The following LMO7 variants were observed in gnomAD, a reference collection of about 807,000 sequenced individuals.
LMO7 encodes the protein LIM domain only protein 7.
Under a neutral mutation model 206.5 loss-of-function variants are expected in LMO7, and 120 were observed. The observed-to-expected ratio is 0.58, with a 90% CI of 0.50 to 0.68. The LOEUF is 0.68. Ranked by LOEUF, LMO7 falls within the 30% of genes least tolerant of loss-of-function variation. LMO7 has a pLI of 0.00. For synonymous variants in LMO7, 706 were observed against 681.5 expected, an observed-to-expected ratio of 1.04 and a Z score of -0.56; for missense variants, 1,959 against 1,957.9, an observed-to-expected ratio of 1.00 and a Z score of -0.01.
intron 3 of LMO7, among the ~76,000 whole-genome samples, chr13:75,727,777 C>G (rs2044627829): frequency 7.2e-6 from 1 of 137,972 alleles, no homozygotes; most frequent in Admixed American, 7.3e-5. Context: ...CCTCCCCCCT[C>G]CCCCAACCCC....
chr13:75,636,117 C>T (rs931904926), upstream of LMO7: 1 of 189,162 alleles, frequency 5.3e-6, no homozygotes, highest in African/African-American at 2.4e-5. Context: ...TGTGCGGGAA[C>T]CCCAGCGGGG....
intron 4 of LMO7, among the ~76,000 whole-genome samples, chr13:75,767,299 C>T (rs572399293): frequency 1.3e-5 from 2 of 151,940 alleles, no homozygotes; most frequent in Non-Finnish European, 2.9e-5. Context: ...TCTTGTGAAA[C>T]AAATCTAAAG....
intron 4 of LMO7, among the ~76,000 whole-genome samples, chr13:75,791,614 C>T (rs2053293158): frequency 6.6e-6 from 1 of 152,080 alleles, no homozygotes; most frequent in Non-Finnish European, 1.5e-5. Flanking sequence ...TGAACAAAAT[C>T]ACAAAAGTCC....
intron 1 of LMO7, among the ~76,000 whole-genome samples, chr13:75,649,637 T>C (rs1031616706): frequency 3.3e-5 from 5 of 151,832 alleles, no homozygotes; most frequent in African/African-American, 1.2e-4. Flanking sequence ...AAGGAAGAGG[T>C]CAGAAGAGCT....
chr13:75,661,358 C>T (rs1186596971), intron 1 of LMO7, among the ~76,000 whole-genome samples: 2 of 152,210 alleles, frequency 1.3e-5, no homozygotes, highest in African/African-American at 4.8e-5. Context: ...ATAAAATTCA[C>T]ATCTATGAAA....
At chr13:75,797,274 A>C (rs1476321656) in intron 6 of LMO7, among the ~76,000 whole-genome samples, 1 of 152,168 alleles carries the variant, frequency 6.6e-6, no homozygotes, top group East Asian at 1.9e-4. Context: ...ACTTGATGTA[A>C]GGTTTTTAAT....
intron 3 of LMO7, among the ~76,000 whole-genome samples, chr13:75,728,028 T>A (rs1399517501): frequency 6.6e-6 from 1 of 152,088 alleles, no homozygotes; most frequent in Non-Finnish European, 1.5e-5. Flanking sequence ...TCTATCATTG[T>A]TGGACATTTG....
At chr13:75,715,146 G>A (rs942572137) in intron 2 of LMO7, among the ~76,000 whole-genome samples, 3 of 152,140 alleles carry the variant, frequency 2.0e-5, no homozygotes, top group African/African-American at 7.2e-5. Context: ...ACATGTTTGA[G>A]AATGACTACC....
chr13:75,792,863 G>A (rs2053494923), intron 4 of LMO7, among the ~76,000 whole-genome samples: 1 of 152,212 alleles, frequency 6.6e-6, no homozygotes, highest in African/African-American at 2.4e-5. Flanking sequence ...TGTAAAGTGA[G>A]TAAAAGGTAA....
At chr13:75,675,139 T>C (rs9530458) in intron 1 of LMO7, among the ~76,000 whole-genome samples, 87,328 of 151,042 alleles carry the variant, frequency 0.58, 26,326 homozygotes, top group East Asian at 0.97. Flanking sequence ...TGCAGTGGCA[T>C]GATCTTCACT....
Position 75,808,082 on chromosome 13 carries a change from C to T in LMO7, c.1799C>T (p.Thr600Ile). The change falls in exon 10 of 31, where the codon ACT becomes ATT. Residue 600 changes from threonine (T) to isoleucine (I), a missense_variant. Thr to Ile is a moderately conservative substitution (Grantham distance 89). Coordinates refer to ENST00000377534, the MANE Select transcript of LMO7 (RefSeq NM_001306080.2). ...TRKIQSWKLG[T>I]TVPPISFTPG... Reference sequence around the variant, plus strand: ...AAGATTCAGTCCTGGAAACTGGGAACTACCGTGCCTCCCATCAGTTTCACC... The same window carrying T: ...AAGATTCAGTCCTGGAAACTGGGAATTACCGTGCCTCCCATCAGTTTCACC... The T allele has an allele frequency of 6.2e-7, 1 of 1,613,934 alleles. No individual in the cohort carries two copies. Among genetic ancestry groups the T allele is most frequent in the Non-Finnish European group, 8.5e-7 (1 of 1,179,874 alleles).
upstream of LMO7, among the ~76,000 whole-genome samples, chr13:75,635,002 T>C (rs2035572448): frequency 7.3e-6 from 1 of 136,520 alleles, no homozygotes; most frequent in Non-Finnish European, 1.6e-5. Flanking sequence ...AGACTCCATC[T>C]CAAAACAAAA....
intron 1 of LMO7, among the ~76,000 whole-genome samples, chr13:75,695,938 C>T (rs541573478): frequency 6.7e-4 from 101 of 151,462 alleles, no homozygotes; most frequent in Non-Finnish European, 1.3e-3. Context: ...TAGATCTAGC[C>T]ATTAAAAATA....
intron 4 of LMO7, among the ~76,000 whole-genome samples, chr13:75,792,922 C>T (rs2053504681): frequency 1.3e-5 from 2 of 152,138 alleles, no homozygotes; most frequent in Non-Finnish European, 2.9e-5. Flanking sequence ...TAGGACATCC[C>T]TTGTATTTCC....
chr13:75,640,471 C>T (rs1002086874), intron 1 of LMO7, among the ~76,000 whole-genome samples: 4 of 152,194 alleles, frequency 2.6e-5, no homozygotes, highest in Admixed American at 6.5e-5. Flanking sequence ...AACACCTCTT[C>T]ATTCTTCCAT....
intron 1 of LMO7, among the ~76,000 whole-genome samples, chr13:75,693,469 G>T (rs759463482): frequency 6.6e-5 from 10 of 152,152 alleles, no homozygotes; most frequent in Admixed American, 2.0e-4. Flanking sequence ...TTCAGGCTGG[G>T]GTGATAATTA....
chr13:75,664,911 A>G (rs1026531905), intron 1 of LMO7, among the ~76,000 whole-genome samples: 4 of 152,222 alleles, frequency 2.6e-5, no homozygotes, highest in Non-Finnish European at 4.4e-5. Context: ...CATTCTCAAT[A>G]GTATGAAATT....
At chr13:75,645,500 G>A (rs1231779082) in intron 1 of LMO7, among the ~76,000 whole-genome samples, 2 of 152,094 alleles carry the variant, frequency 1.3e-5, no homozygotes, top group Non-Finnish European at 2.9e-5. Context: ...ATGACAGAGC[G>A]AGACCCTATC....
At chr13:75,625,651 G>A (rs752493145) in intron 2 of LMO7, among the ~76,000 whole-genome samples, 3 of 152,148 alleles carry the variant, frequency 2.0e-5, no homozygotes, top group Admixed American at 6.5e-5. Flanking sequence ...TGGCTTCACT[G>A]GTCTATTTCT....
Sources: allele counts gnomAD v4.1 joint callset (sites outside exome capture counted in the v4.1 genomes callset), GRCh38; gene constraint gnomAD v4.1.1; transcripts MANE v1.5; gene names NCBI Gene and HGNC (gene_info 2026-07-23, HGNC 2026-07-21).